The following EDF1 variants were observed in gnomAD, a reference collection of about 807,000 sequenced individuals.
EDF1 encodes the protein endothelial differentiation related factor 1.
Under a neutral mutation model 20.8 loss-of-function variants are expected in EDF1, and 5 were observed. The ratio of observed to expected loss-of-function variants is 0.24; its 90% confidence interval spans 0.13 to 0.51. The LOEUF is 0.51. EDF1 is among the 20% of genes least tolerant of loss of function. The pLI, the probability that EDF1 is intolerant of heterozygous loss-of-function variation, is 0.97. For synonymous variants in EDF1, 96 were observed against 78.5 expected, an observed-to-expected ratio of 1.22 and a Z score of -1.18; for missense variants, 137 against 197.8, an observed-to-expected ratio of 0.69 and a Z score of 1.84.
rs1165818904 is a variant in EDF1 at position 136,863,206 on chromosome 9, C to G, written c.291+82G>C. ...AGGGGAACCAGGGGGGTGGAGCCCA[C>G]CCTCCCCGTGCTATCTGAACACCGG... On this transcript the variant is annotated intron_variant, in intron 3 of 4. Coordinates refer to ENST00000224073, the MANE Select transcript of EDF1 (RefSeq NM_003792.4). The surrounding 1 kb of genome is among the most constrained non-coding windows in gnomAD (Gnocchi z 4.5). The G allele has an allele frequency of 2.6e-6, 4 of 1,557,340 alleles. No homozygotes were observed. Among genetic ancestry groups the G allele is most frequent in the African/African-American group, 1.4e-5 (1 of 74,014 alleles).
At position 136,866,220 on chromosome 9, in the gene EDF1, G is replaced by C. The variant is rs1162802413; in HGVS notation, c.39C>G (p.Arg13=). The C allele has an allele frequency of 6.2e-7, 1 of 1,601,852 alleles. No homozygotes were observed. The change falls in exon 1 of 5, where the codon CGC becomes CGG. Residue 13 remains arginine, a synonymous_variant. Coordinates refer to ENST00000224073, the MANE Select transcript of EDF1 (RefSeq NM_003792.4). ...CCTGGGCGGCCGTAGGGCCCTTCTT[G>C]CGCAGCACCGTCACCGTGTCCCAGT... ...ESDWDTVTVL[R]KKGPTAAQAK... is the part of the protein sequence containing the mutation.
Position 136,866,184 on chromosome 9 carries a change from C to T in EDF1, c.75G>A (p.Lys25=). The change falls in exon 1 of 5, where the codon AAG becomes AAA. Residue 25 remains lysine (K), a synonymous_variant. Transcript: ENST00000224073. The part of the protein sequence containing the change: ...KGPTAAQAKS[K]QAILAAQRRG... ...CGCTCCTCAGTCAGCAAAGCACCTG[C>T]TTGGATTTGGCCTGGGCGGCCGTAG... The T allele has an allele frequency of 1.3e-6, 2 of 1,598,934 alleles. No individual in the cohort carries two copies. The highest frequency in any genetic ancestry group is 1.7e-6 in the Non-Finnish European group (2 of 1,174,824).
chr9:136,863,795 T>C lies in EDF1; in HGVS notation c.130+25A>G. On this transcript the variant is annotated intron_variant, in intron 2 of 4. Coordinates refer to ENST00000224073, the MANE Select transcript of EDF1 (RefSeq NM_003792.4). The surrounding 1 kb of genome is among the most constrained non-coding windows in gnomAD (Gnocchi z 4.5). ...TGGACCCCACAGCACAGCCTCATGTTGCAAGCGGAAACACAAGTACCTACA... is the reference window on the plus strand; with the variant it reads ...TGGACCCCACAGCACAGCCTCATGTCGCAAGCGGAAACACAAGTACCTACA... The C allele has an allele frequency of 2.5e-6, 4 of 1,613,832 alleles. No homozygotes were observed. Among genetic ancestry groups the C allele is most frequent in the Non-Finnish European group, 3.4e-6 (4 of 1,179,938 alleles).
In EDF1 at chr9:136,862,794, AG is replaced by A; in HGVS notation, c.385+111del. 2 of 1,608,190 alleles carry A rather than the reference AG, an allele frequency of 1.2e-6. No individual in the cohort carries two copies. Among genetic ancestry groups the A allele is most frequent in the Non-Finnish European group, 1.7e-6 (2 of 1,178,514 alleles). Reference sequence around the variant, plus strand: ...AGCAAAGCTCCAGAATTCAGAGAACAGGGGACCCCCAGGGCCATCTTCTTCC... The same window carrying A: ...AGCAAAGCTCCAGAATTCAGAGAACAGGGACCCCCAGGGCCATCTTCTTCC... On this transcript the variant is annotated intron_variant, in intron 4 of 4. Coordinates refer to ENST00000224073, the MANE Select transcript of EDF1 (RefSeq NM_003792.4). This position sits in a 1 kb window ranked among gnomAD's most constrained non-coding sequence, Gnocchi z 4.1.
rs1485406506 is a variant in EDF1 at position 136,862,141 on chromosome 9, T to C, written c.*143A>G. 9.4e-7 allele frequency: 1 copy of C among 1,066,114 alleles called. No individual in the cohort carries two copies. The highest frequency in any genetic ancestry group is 1.6e-5 in the African/African-American group (1 of 62,870). The allele number at this position is 1,066,114 out of a possible 1,614,324, so 66.0% of individuals were successfully genotyped here. On this transcript the variant is annotated 3_prime_UTR_variant, in exon 5 of 5. Coordinates refer to ENST00000224073, the MANE Select transcript of EDF1 (RefSeq NM_003792.4). This position sits in a 1 kb window ranked among gnomAD's most constrained non-coding sequence, Gnocchi z 4.1. ...CAGCGCTTTGCAAGGTTTTGTTTGTTTGACAGCAGGAATGGGCTGGGGAGG... is the reference window on the plus strand; with the variant it reads ...CAGCGCTTTGCAAGGTTTTGTTTGTCTGACAGCAGGAATGGGCTGGGGAGG...
chr9:136,864,130 G>A (rs935030220), intron 1 of EDF1, among the ~76,000 whole-genome samples: 1 of 152,098 alleles, frequency 6.6e-6, no homozygotes, highest in Non-Finnish European at 1.5e-5. Flanking sequence ...AACACAGCAA[G>A]ATCCTGTCTC....
At chr9:136,865,285 G>C (rs912572787) in intron 1 of EDF1, among the ~76,000 whole-genome samples, 2 of 152,066 alleles carry the variant, frequency 1.3e-5, no homozygotes, top group Non-Finnish European at 2.9e-5. Context: ...CACAAGTACT[G>C]TTCAGGGCAC....
chr9:136,865,998 A>G (rs1305845208), intron 1 of EDF1, among the ~76,000 whole-genome samples, 183 bp downstream of exon 1: 1 of 65,560 alleles, frequency 1.5e-5, no homozygotes, highest in East Asian at 3.2e-4. Flanking sequence ...CGGTCCTCCT[A>G]CCCCTGCGAT....
Position 136,862,660 on chromosome 9 carries a change from C to T in EDF1, c.385+246G>A. On this transcript the variant is annotated intron_variant, in intron 4 of 4. Transcript: ENST00000224073. The surrounding 1 kb of genome is among the most constrained non-coding windows in gnomAD (Gnocchi z 4.1). ...GCTCAGAGAACCATCGCCAACAGCA[C>T]AGGCTGACGGGAACTGGCAAGGGGA... 5 of 1,492,470 alleles carry T rather than the reference C, an allele frequency of 3.4e-6. No individual in the cohort carries two copies. The highest frequency in any genetic ancestry group is 4.4e-6 in the Non-Finnish European group (5 of 1,126,996). 92.5% of individuals were successfully genotyped at this position (1,492,470 alleles called of 1,614,324 possible).
Position 136,862,589 on chromosome 9 carries a change from T to C in EDF1, c.386-244A>G. On this transcript the variant is annotated intron_variant, in intron 4 of 4. Transcript: ENST00000224073. This position sits in a 1 kb window ranked among gnomAD's most constrained non-coding sequence, Gnocchi z 4.1. ...CCGGAGCCGGGGTCCTCTGTGGAAC[T>C]GGCTTCCGGCCCCATGCTGACAGGG... is the stretch of plus-strand genomic sequence containing the variant. 2 of 1,552,554 alleles carry C rather than the reference T, an allele frequency of 1.3e-6. No homozygotes were observed. Among genetic ancestry groups the C allele is most frequent in the Non-Finnish European group, 1.7e-6 (2 of 1,156,414 alleles).
chr9:136,865,918 GC>G (rs1292315822), intron 1 of EDF1, among the ~76,000 whole-genome samples: 1 of 111,264 alleles, frequency 9.0e-6, no homozygotes, highest in Non-Finnish European at 1.8e-5. Flanking sequence ...CCAGTCGCCC[GC>G]CCCCTGCCTC....
At chr9:136,864,241 T>C (rs1390590640) in intron 1 of EDF1, among the ~76,000 whole-genome samples, 1 of 151,846 alleles carries the variant, frequency 6.6e-6, no homozygotes, top group Non-Finnish European at 1.5e-5. Flanking sequence ...AGAACACCAC[T>C]TCCTTTGCTG....
chr9:136,862,168 T>A lies in EDF1; in HGVS notation c.*116A>T. ...GACAGCAGGAATGGGCTGGGGAGGG[T>A]CCCCCGCAAGCTGGACCCCTTGTTC... On this transcript the variant is annotated 3_prime_UTR_variant, in exon 5 of 5. Transcript: ENST00000224073. The surrounding 1 kb of genome is among the most constrained non-coding windows in gnomAD (Gnocchi z 4.1). 7.5e-7 allele frequency: 1 copy of A among 1,330,620 alleles called. No individual in the cohort carries two copies. Among genetic ancestry groups the A allele is most frequent in the Non-Finnish European group, 1.1e-6 (1 of 934,288 alleles). 82.4% of individuals were successfully genotyped at this position (1,330,620 alleles called of 1,614,324 possible).
At position 136,862,426 on chromosome 9, in the gene EDF1, A is replaced by C. The variant is rs1334196217; in HGVS notation, c.386-81T>G. The C allele has an allele frequency of 6.2e-7, 1 of 1,613,544 alleles. No homozygotes were observed. The highest frequency in any genetic ancestry group is 1.7e-5 in the Admixed American group (1 of 60,002). ...CGCTGCCCCTCTTCAACATCTTCCC[A>C]GGGAAGGGGGGCCACGCCGCTCCCG... On this transcript the variant is annotated intron_variant, in intron 4 of 4. Coordinates refer to ENST00000224073, the MANE Select transcript of EDF1 (RefSeq NM_003792.4). This position sits in a 1 kb window ranked among gnomAD's most constrained non-coding sequence, Gnocchi z 4.1.
In EDF1 at chr9:136,863,304, T is replaced by C. The variant is rs780700905; in HGVS notation, c.275A>G (p.Gln92Arg). The C allele has an allele frequency of 5.6e-6, 9 of 1,613,318 alleles. No homozygotes were observed. The highest frequency in any genetic ancestry group is 7.6e-6 in the Non-Finnish European group (9 of 1,179,880). Residue 92 changes from glutamine to arginine, a missense_variant, in exon 3 of 5, where the codon CAG (glutamine) becomes CGG (arginine). By Grantham distance (43) the Gln-to-Arg change is conservative (BLOSUM62 1). Coordinates refer to ENST00000224073, the MANE Select transcript of EDF1 (RefSeq NM_003792.4). This position sits in a 1 kb window ranked among gnomAD's most constrained non-coding sequence, Gnocchi z 4.5. Reference sequence around the variant, plus strand: ...CAGCCTCACCGTGGCCAGGTCCTTCTGCGTAAGCCCCTTGCTCTGCCGACC... The same window carrying C: ...CAGCCTCACCGTGGCCAGGTCCTTCCGCGTAAGCCCCTTGCTCTGCCGACC... ...QQGRQSKGLT[Q>R]KDLATKINEK...
chr9:136,863,693 CGGCCAGCACCGGT>C lies in EDF1; in HGVS notation c.130+114_130+126del. 7.9e-7 allele frequency: 1 copy of C among 1,264,794 alleles called. No homozygotes were observed. Among genetic ancestry groups the C allele is most frequent in the Non-Finnish European group, 1.1e-6 (1 of 892,094 alleles). The allele number at this position is 1,264,794 out of a possible 1,614,324, so 78.3% of individuals were successfully genotyped here. A position where few individuals can be genotyped will look rare whatever the true frequency, so the allele number is the denominator to read the frequency against. On this transcript the variant is annotated intron_variant, in intron 2 of 4. Coordinates refer to ENST00000224073, the MANE Select transcript of EDF1 (RefSeq NM_003792.4). The surrounding 1 kb of genome is among the most constrained non-coding windows in gnomAD (Gnocchi z 4.5). The stretch of plus-strand genomic sequence containing the variant: ...GGAAGATGGCTGCCTCCCAGGGCTC[CGGCCAGCACCGGT>C]GCAGGCAGGCACTCAGCTGACAACG...
chr9:136,862,622 C>G lies in EDF1; in HGVS notation c.386-277G>C. ...GGCCCCATGCTGACAGGGCCCGGACCCGCTGTGCTCAGGCTCAGAGAACCA... is the reference window on the plus strand; with the variant it reads ...GGCCCCATGCTGACAGGGCCCGGACGCGCTGTGCTCAGGCTCAGAGAACCA... On this transcript the variant is annotated intron_variant, in intron 4 of 4. Transcript: ENST00000224073. This position sits in a 1 kb window ranked among gnomAD's most constrained non-coding sequence, Gnocchi z 4.1. 5.3e-6 allele frequency: 8 copies of G among 1,518,220 alleles called. No homozygotes were observed. The highest frequency in any genetic ancestry group is 7.0e-6 in the Non-Finnish European group (8 of 1,138,704). 94.0% of individuals were successfully genotyped at this position (1,518,220 alleles called of 1,614,324 possible).
At position 136,863,105 on chromosome 9, in the gene EDF1, G is replaced by A. The variant is rs543170074; in HGVS notation, c.292-106C>T. On this transcript the variant is annotated intron_variant, in intron 3 of 4. Coordinates refer to ENST00000224073, the MANE Select transcript of EDF1 (RefSeq NM_003792.4). This position sits in a 1 kb window ranked among gnomAD's most constrained non-coding sequence, Gnocchi z 4.5. ...GCAGCTTCTAGGGCCCCTGGGGTAC[G>A]CACCCACACGCAGCTGGGTTTTGTG... The A allele has an allele frequency of 3.3e-6, 5 of 1,519,894 alleles. No homozygotes were observed. Among genetic ancestry groups the A allele is most frequent in the East Asian group, 2.3e-5 (1 of 44,216 alleles). 94.2% of individuals were successfully genotyped at this position (1,519,894 alleles called of 1,614,324 possible).
At position 136,863,137 on chromosome 9, in the gene EDF1, G is replaced by C; in HGVS notation, c.292-138C>G. On this transcript the variant is annotated intron_variant, in intron 3 of 4. Coordinates refer to ENST00000224073, the MANE Select transcript of EDF1 (RefSeq NM_003792.4). This position sits in a 1 kb window ranked among gnomAD's most constrained non-coding sequence, Gnocchi z 4.5. ...CACGCAGCTGGGTTTTGTGCGAGAG[G>C]CAGTGAGAGCCGGGCTGACCTGGCT... is the stretch of plus-strand genomic sequence containing the variant. 6.6e-7 allele frequency: 1 copy of C among 1,504,858 alleles called. No homozygotes were observed. Among genetic ancestry groups the C allele is most frequent in the South Asian group, 1.2e-5 (1 of 84,640 alleles). The allele number at this position is 1,504,858 out of a possible 1,614,324, so 93.2% of individuals were successfully genotyped here.
Sources: gnomAD v4.1 joint callset for allele counts (sites outside exome capture counted in the v4.1 genomes callset) on GRCh38, gnomAD v4.1.1 for gene constraint, Gnocchi (gnomAD v3.1) non-coding constraint, MANE v1.5 for transcripts, NCBI Gene and HGNC (gene_info 2026-07-23, HGNC 2026-07-21) for gene names.